CNTLN: variants seen among roughly 807,000 people sequenced by gnomAD.
CNTLN encodes the protein centlein, centrosomal protein.
CNTLN carries 212 observed loss-of-function variants against 180.0 expected under a neutral mutation model. That is an observed-to-expected ratio of 1.18 (90% CI 1.05 to 1.32). The LOEUF (loss-of-function observed/expected upper bound fraction) is 1.32, where lower values mean the gene tolerates loss of function less well. Ranked by LOEUF, CNTLN falls within the 40% of genes most tolerant of loss-of-function variation. CNTLN has a pLI of 0.00. For missense variants in CNTLN, 2,095 were observed against 1,610.9 expected (o/e 1.30, Z -5.14); for synonymous variants, 722 against 563.1 (o/e 1.28, Z -3.99).
chr9:17,187,438 G>C (rs186063390), intron 2 of CNTLN, among the ~76,000 whole-genome samples: 1 of 151,998 alleles, frequency 6.6e-6, no homozygotes, highest in Non-Finnish European at 1.5e-5. Context: ...TTTTTTATAA[G>C]AACAAGTAGT....
intron 18 of CNTLN, chr9:17,444,151 C>A (rs1375307172): frequency 6.6e-6 from 1 of 152,158 alleles, no homozygotes; most frequent in African/African-American, 2.4e-5. Flanking sequence ...TGCAGACAGA[C>A]ACTCTAATGT....
chr9:17,187,424 A>G (rs1488518190), intron 2 of CNTLN, among the ~76,000 whole-genome samples: 3 of 151,970 alleles, frequency 2.0e-5, no homozygotes, highest in African/African-American at 4.8e-5. Context: ...AGGAGGGTTT[A>G]ATTTTTTTTA....
intron 6 of CNTLN, among the ~76,000 whole-genome samples, chr9:17,287,141 G>T (rs1454604175): frequency 7.2e-6 from 1 of 138,132 alleles, no homozygotes; most frequent in Non-Finnish European, 1.5e-5. Context: ...TTGGCTGTGG[G>T]TTTGTCATAG....
chr9:17,166,018 T>A (rs1414086958), intron 2 of CNTLN, among the ~76,000 whole-genome samples: 3 of 152,106 alleles, frequency 2.0e-5, no homozygotes, highest in African/African-American at 4.8e-5. Flanking sequence ...AATATGAATG[T>A]GAAACAAATG....
chr9:17,343,902 C>T (rs1821677836), intron 12 of CNTLN, among the ~76,000 whole-genome samples: 1 of 152,130 alleles, frequency 6.6e-6, no homozygotes, highest in Admixed American at 6.6e-5. Context: ...ACAGATTTGC[C>T]TATTCTAGAC....
At chr9:17,239,807 G>A (rs1221071176) in intron 5 of CNTLN, among the ~76,000 whole-genome samples, 1 of 152,080 alleles carries the variant, frequency 6.6e-6, no homozygotes, top group East Asian at 1.9e-4. Flanking sequence ...TTGGACCTCA[G>A]TTCTGTTTAT....
At chr9:17,307,245 A>G (rs933949768) in intron 7 of CNTLN, among the ~76,000 whole-genome samples, 12 of 151,948 alleles carry the variant, frequency 7.9e-5, no homozygotes, top group African/African-American at 2.4e-4. Context: ...ATTATTTTAA[A>G]TATCTCCACA....
In CNTLN at chr9:17,229,725, G is replaced by A. The variant is rs117725581; in HGVS notation, c.534+3438G>A. Among the ~76,000 whole-genome samples, 625 of 152,210 alleles carry A rather than the reference G, an allele frequency of 4.1e-3. 3 individuals are homozygous for A. The highest frequency in any genetic ancestry group is 4.7e-3 in the Non-Finnish European group (321 of 67,996). On this transcript the variant is annotated intron_variant, in intron 3 of 25. Transcript: ENST00000380647. ...CTTTCACAATAACATCTAGACTGGT[G>A]TTAGATAAGAACGTGTGTACCATGG...
chr9:17,213,008 G>A (rs1317313468), intron 2 of CNTLN, among the ~76,000 whole-genome samples: 2 of 151,990 alleles, frequency 1.3e-5, no homozygotes, highest in South Asian at 2.1e-4. Flanking sequence ...AAAACCAGCT[G>A]CTAGATTCAT....
intron 15 of CNTLN, among the ~76,000 whole-genome samples, chr9:17,400,631 G>T (rs1053072349): frequency 6.6e-6 from 1 of 152,108 alleles, no homozygotes; most frequent in Non-Finnish European, 1.5e-5. Flanking sequence ...TACGTTGTGA[G>T]AAAGAAATAG....
Position 17,340,968 on chromosome 9 carries a change from A to T in CNTLN, c.1766+20A>T. The T allele has an allele frequency of 6.3e-7, 1 of 1,592,170 alleles. No individual in the cohort carries two copies. The highest frequency in any genetic ancestry group is 8.5e-7 in the Non-Finnish European group (1 of 1,170,508). On this transcript the variant is annotated intron_variant, in intron 11 of 25. Transcript: ENST00000380647. ...TGGCATGTGAGTTACATAGCTCATAAAGGCATTTCCCTAAATATTAAATGG... is the reference window on the plus strand; with the variant it reads ...TGGCATGTGAGTTACATAGCTCATATAGGCATTTCCCTAAATATTAAATGG...
intron 23 of CNTLN, among the ~76,000 whole-genome samples, 166 bp from the exon 24 acceptor site, chr9:17,484,129 G>T (rs546603028): frequency 5.9e-5 from 9 of 152,200 alleles, no homozygotes; most frequent in African/African-American, 1.9e-4. Context: ...CTTTTATTGC[G>T]TGCTGACAAT....
At chr9:17,218,186 A>G (rs1823890253) in intron 2 of CNTLN, among the ~76,000 whole-genome samples, 1 of 152,170 alleles carries the variant, frequency 6.6e-6, no homozygotes. Flanking sequence ...ATTAAATATA[A>G]TAGTTCTAAA....
intron 18 of CNTLN, among the ~76,000 whole-genome samples, chr9:17,418,348 T>G (rs912915701): frequency 6.6e-6 from 1 of 152,020 alleles, no homozygotes; most frequent in Non-Finnish European, 1.5e-5. Flanking sequence ...AATTCTCTAC[T>G]GATAAAGTAA....
At chr9:17,434,117 A>G (rs929105504) in intron 18 of CNTLN, among the ~76,000 whole-genome samples, 1 of 152,134 alleles carries the variant, frequency 6.6e-6, no homozygotes, top group Non-Finnish European at 1.5e-5. Flanking sequence ...CATTTCTGAT[A>G]AGAGGATTTG....
intron 25 of CNTLN, among the ~76,000 whole-genome samples, chr9:17,493,376 A>G (rs943952610): frequency 1.3e-5 from 2 of 152,182 alleles, no homozygotes; most frequent in Admixed American, 6.5e-5. Context: ...CCAAAATAGT[A>G]TAGTCAAATA....
chr9:17,274,392 T>C (rs1205514852), intron 6 of CNTLN, among the ~76,000 whole-genome samples: 1 of 152,018 alleles, frequency 6.6e-6, no homozygotes, highest in Non-Finnish European at 1.5e-5. Flanking sequence ...AATTACCTTT[T>C]CCAGAAAATA....
intron 15 of CNTLN, among the ~76,000 whole-genome samples, chr9:17,398,439 T>TG (rs951924129): frequency 6.6e-6 from 1 of 152,026 alleles, no homozygotes; most frequent in African/African-American, 2.4e-5. Flanking sequence ...AGGTGATTGG[T>TG]GAAAGGAAAG....
chr9:17,352,389 AAT>A lies in CNTLN; in HGVS notation c.1886+9972_1886+9973del, dbSNP rs373257904. On this transcript the variant is annotated intron_variant, in intron 12 of 25. Coordinates refer to ENST00000380647, the MANE Select transcript of CNTLN (RefSeq NM_017738.4). Reference sequence around the variant, plus strand: ...AAGACTCCCAATCTTCTCAAGCTAGAATATATATATATATATATATATATATA... The same window carrying A: ...AAGACTCCCAATCTTCTCAAGCTAGAATATATATATATATATATATATATA... Among the ~76,000 whole-genome samples, 573 of 84,374 alleles carry A rather than the reference AAT, an allele frequency of 6.8e-3. 1 individual carries two copies. Among genetic ancestry groups the A allele is most frequent in the South Asian group, 0.02 (63 of 3,208 alleles). 55.4% of individuals were successfully genotyped at this position (84,374 alleles called of 152,430 possible).
Sources: gnomAD v4.1 joint callset for allele counts (sites outside exome capture counted in the v4.1 genomes callset) on GRCh38, gnomAD v4.1.1 for gene constraint, MANE v1.5 for transcripts, NCBI Gene and HGNC (gene_info 2026-07-23, HGNC 2026-07-21) for gene names.